TTN: variants seen among roughly 807,000 people sequenced by gnomAD.
The protein encoded by TTN is titin, also known as connectin.
A neutral mutation model predicts 3,223.0 loss-of-function variants in TTN; 1,525 were observed. That is an observed-to-expected ratio of 0.47 (90% confidence interval 0.45 to 0.49). The LOEUF (loss-of-function observed/expected upper bound fraction) is 0.49. Ranked by LOEUF, TTN falls within the 20% of genes least tolerant of loss-of-function variation. The pLI is 0.00. For synonymous variants in TTN, 14,094 were observed against 15,161.0 expected, an observed-to-expected ratio of 0.93 and a Z score of 5.17; for missense variants, 40,786 against 43,424.0, an observed-to-expected ratio of 0.94 and a Z score of 5.40.
rs773021609 is a variant in TTN, at chr2:178,537,690, A to T, written c.99517T>A (p.Cys33173Ser). 9.3e-6 allele frequency: 15 copies of T among 1,613,696 alleles called. No homozygotes were observed. The highest frequency in any genetic ancestry group is 8.3e-5 in the Admixed American group (5 of 59,964). ...EEQEDEGVYT[C>S]IATNEVGEVE... is the part of the protein sequence containing the mutation. ...TCTCCAACCTCATTGGTGGCTATGCAGGTATAAACACCTTCATCTTCCTGT... is the reference window on the plus strand; with the variant it reads ...TCTCCAACCTCATTGGTGGCTATGCTGGTATAAACACCTTCATCTTCCTGT... Residue 33173 changes from cysteine to serine, a missense_variant, in exon 355 of 363, where the codon TGC (cysteine) becomes AGC (serine). Physicochemically the swap from Cys to Ser is moderately radical, Grantham distance 112. Coordinates refer to ENST00000589042, the MANE Select transcript of TTN (RefSeq NM_001267550.2).
At chr2:178,695,320 G>C (rs1259824516) in intron 115 of TTN, 28 bp downstream of exon 115, 1 of 1,581,264 alleles carries the variant, frequency 6.3e-7, no homozygotes, top group Non-Finnish European at 8.7e-7. Context: ...TGATGCTCTA[G>C]TCTATTTAAA....
At chr2:178,610,810 C>T (rs575366743) in intron 270 of TTN, among the ~76,000 whole-genome samples, 183 bp downstream of exon 270, 1 of 152,032 alleles carries the variant, frequency 6.6e-6, no homozygotes, top group Non-Finnish European at 1.5e-5. Flanking sequence ...GTCTAATAAG[C>T]GTTTAGCGAT....
At chr2:178,774,547 T>A in intron 29 of TTN, 74 bp from the exon 30 acceptor site, 1 of 1,423,636 alleles carries the variant, frequency 7.0e-7, no homozygotes, top group East Asian at 2.4e-5. Flanking sequence ...AGAGATGATG[T>A]CTTGTATGTC....
chr2:178,689,027 T>TTTAAA, intron 125 of TTN, 26 bp downstream of exon 125: 1 of 1,131,070 alleles, frequency 8.8e-7, no homozygotes, highest in East Asian at 2.6e-5. Context: ...TTTTTTTTTT[T>TTTAAA]GTCAGAGGAT....
At chr2:178,695,267 G>A (rs2073432850) in intron 115 of TTN, 81 bp downstream of exon 115, 3 of 1,101,770 alleles carry the variant, frequency 2.7e-6, no homozygotes, top group Admixed American at 3.8e-5. Flanking sequence ...GGATTGAACT[G>A]CTGATTTATA....
rs2366753 is a variant in TTN at position 178,702,907 on chromosome 2, T to C, written c.30224-244A>G. ...AAAGTGTAAAGAAATTATTGTGAGT[T>C]CTTAAAATATTTATATAAAGAACAT... is the stretch of plus-strand genomic sequence containing the variant. On this transcript the variant is annotated intron_variant, in intron 106 of 362. Coordinates refer to ENST00000589042, the MANE Select transcript of TTN (RefSeq NM_001267550.2). 0.11 allele frequency among the ~76,000 whole-genome samples: 16,880 copies of C among 152,156 alleles called. 1,827 individuals carry two copies. The highest frequency in any genetic ancestry group is 0.26 in the African/African-American group (10,782 of 41,456).
Position 178,780,061 on chromosome 2 carries a change from G to C in TTN, c.3668C>G (p.Ala1223Gly). 1 of 1,613,562 alleles carries C rather than the reference G, an allele frequency of 6.2e-7. No homozygotes were observed. Among genetic ancestry groups the C allele is most frequent in the Non-Finnish European group, 8.5e-7 (1 of 1,179,846 alleles). ...TTTGGCCATTTTCTTCCTAATTAAG[G>C]CTTGTTCTTTTTCATACTCTTTTTC... is the stretch of plus-strand genomic sequence containing the variant. ...EYEKEYEKEQALIRKKMAKDT... is the reference protein window; with the variant it reads ...EYEKEYEKEQGLIRKKMAKDT... The change falls in exon 22 of 363, where the codon GCC becomes GGC. Residue 1223 changes from alanine (A) to glycine (G), a missense_variant. By Grantham distance (60) the Ala-to-Gly change is moderately conservative. Transcript: ENST00000589042.
chr2:178,569,598 G>A lies in TTN; in HGVS notation c.76534C>T (p.Leu25512Phe), dbSNP rs746285722. Residue 25512 changes from leucine (L) to phenylalanine (F), a missense_variant, in exon 326 of 363, where the codon CTT becomes TTT. Transcript: ENST00000589042. ...EEKLEAPDID[L>F]DLELRKIINI... ...ATGATTTTCCTTAGTTCTAGGTCAA[G>A]ATCAATGTCTGGTGCTTCTAATTTT... 6.2e-7 allele frequency: 1 copy of A among 1,612,600 alleles called. No homozygotes were observed. The highest frequency in any genetic ancestry group is 8.5e-7 in the Non-Finnish European group (1 of 1,179,296).
chr2:178,615,381 T>G lies in TTN; in HGVS notation c.48564A>C (p.Lys16188Asn). 6.2e-7 allele frequency: 1 copy of G among 1,612,610 alleles called. No homozygotes were observed. The highest frequency in any genetic ancestry group is 8.5e-7 in the Non-Finnish European group (1 of 1,179,062). ...PPKNDGGSRI[K>N]GYIVERCPRG... is the part of the protein sequence containing the mutation. Reference sequence around the variant, plus strand: ...GTGGACATCTTTCAACTATATATCCTTTGATGCGTGAACCACCATCATTTT... The same window carrying G: ...GTGGACATCTTTCAACTATATATCCGTTGATGCGTGAACCACCATCATTTT... The change falls in exon 259 of 363, where the codon AAA becomes AAC. Residue 16188 changes from lysine (K) to asparagine (N), a missense_variant. Coordinates refer to ENST00000589042, the MANE Select transcript of TTN (RefSeq NM_001267550.2).
intron 240 of TTN, among the ~76,000 whole-genome samples, chr2:178,625,829 A>G (rs1210658853): frequency 6.6e-6 from 1 of 152,004 alleles, no homozygotes; most frequent in Admixed American, 6.6e-5. Flanking sequence ...AAAATGTGGC[A>G]CATATACACC....
At position 178,574,139 on chromosome 2, in the gene TTN, C is replaced by A; in HGVS notation, c.71993G>T (p.Arg23998Leu). Residue 23998 changes from arginine to leucine, a missense_variant, in exon 326 of 363, where the codon CGT (arginine) becomes CTT (leucine). Physicochemically the swap from Arg to Leu is moderately radical, Grantham distance 102 (BLOSUM62 -2). Transcript: ENST00000589042. ...ACCTGCAGCATTTTTGGCGATCACA[C>A]GGAATTCATATGCAGCATCTTCTGT... is the stretch of plus-strand genomic sequence containing the variant. ...GLTEDAAYEFRVIAKNAAGAI... is the reference protein window; with the variant it reads ...GLTEDAAYEFLVIAKNAAGAI... 6.2e-7 allele frequency: 1 copy of A among 1,613,504 alleles called. No individual in the cohort carries two copies. Among genetic ancestry groups the A allele is most frequent in the Non-Finnish European group, 8.5e-7 (1 of 1,179,626 alleles).
Position 178,723,326 on chromosome 2 carries a change from TAGTA to T in TTN, c.21683-6_21683-3del. The T allele has an allele frequency of 6.2e-7, 1 of 1,610,866 alleles. No homozygotes were observed. On this transcript the variant is annotated splice_polypyrimidine_tract_variant and splice_region_variant and intron_variant, in intron 74 of 362. Transcript: ENST00000589042. Reference sequence around the variant, plus strand: ...ATCTCTTCAAAAATGCAGCTGGTTCTAGTAAGTGACAAAGCACAGCAGTTAAACA... The same window carrying T: ...ATCTCTTCAAAAATGCAGCTGGTTCTAGTGACAAAGCACAGCAGTTAAACA...
chr2:178,534,586 C>T lies in TTN; in HGVS notation c.102029G>A (p.Ser34010Asn). Residue 34010 changes from serine (S) to asparagine (N), a missense_variant, in exon 358 of 363, where the codon AGT becomes AAT. Ser to Asn is a conservative substitution (Grantham distance 46, BLOSUM62 1). Coordinates refer to ENST00000589042, the MANE Select transcript of TTN (RefSeq NM_001267550.2). ...TTCAGCCAGGAATGGGTTGATACCA[C>T]TCAATAGCACATATACCAGTGTTCC... ...SLGTLVYVLLSGINPFLAETN... is the reference protein window; with the variant it reads ...SLGTLVYVLLNGINPFLAETN... 4 of 1,613,908 alleles carry T rather than the reference C, an allele frequency of 2.5e-6. No individual in the cohort carries two copies. Among genetic ancestry groups the T allele is most frequent in the Non-Finnish European group, 3.4e-6 (4 of 1,179,806 alleles).
Position 178,530,695 on chromosome 2 carries a change from A to G in TTN, c.105920T>C (p.Val35307Ala), listed in dbSNP as rs780629996. ...TTTTGCCCTTAATACACTGCTTTCA[A>G]CCACACAGGTCAGTTTTGCAATCTC... ...SKEIAKLTCV[V>A]ESSVLRAKEV... Residue 35307 changes from valine to alanine, a missense_variant, in exon 358 of 363, where the codon GTT (valine) becomes GCT (alanine). Val to Ala is a moderately conservative substitution (Grantham distance 64). Coordinates refer to ENST00000589042, the MANE Select transcript of TTN (RefSeq NM_001267550.2). The G allele has an allele frequency of 5.2e-5, 84 of 1,613,798 alleles. No homozygotes were observed. In the Admixed American group the frequency reaches 9.3e-4, roughly 18 times the overall value.
chr2:178,803,551 AAAGT>A (rs1561535363), intron 2 of TTN, among the ~76,000 whole-genome samples: 1 of 152,128 alleles, frequency 6.6e-6, no homozygotes, highest in East Asian at 1.9e-4. Flanking sequence ...AATGTAAAAG[AAAGT>A]ATTATCCAGT....
At chr2:178,599,975 A>G (rs2052859177) in intron 288 of TTN, 125 bp from the exon 289 acceptor site, 1 of 873,312 alleles carries the variant, frequency 1.1e-6, no homozygotes, top group Admixed American at 3.2e-5. Flanking sequence ...AGCCCAATAT[A>G]AAGAATGGTT....
In TTN at chr2:178,714,876, G is replaced by C. The variant is rs1264852280; in HGVS notation, c.26200+110C>G. On this transcript the variant is annotated intron_variant, in intron 90 of 362. Coordinates refer to ENST00000589042, the MANE Select transcript of TTN (RefSeq NM_001267550.2). ...AAAAGGACTTGGAGAGGAAACAAAG[G>C]GAAAGTGGAATAGGCTGCTAGTGAT... 3 of 1,393,544 alleles carry C rather than the reference G, an allele frequency of 2.2e-6. No homozygotes were observed. In the East Asian group the frequency reaches 6.9e-5, roughly 32 times the overall value. 86.3% of individuals were successfully genotyped at this position (1,393,544 alleles called of 1,614,324 possible).
chr2:178,776,839 T>A lies in TTN; in HGVS notation c.5025A>T (p.Pro1675=), dbSNP rs971913073. ...ATCGCAAATGGAGGGGCTCCAGTTC[T>A]GGGGCTGCAATCTCCTTTGCTCTAT... ...GTYRAKEIAA[P]ELEPLHLRYG... The change falls in exon 28 of 363, where the codon CCA becomes CCT. Residue 1675 remains proline (P), a synonymous_variant. Coordinates refer to ENST00000589042, the MANE Select transcript of TTN (RefSeq NM_001267550.2). 9 of 1,614,134 alleles carry A rather than the reference T, an allele frequency of 5.6e-6. No individual in the cohort carries two copies. In the East Asian group the frequency reaches 2.0e-4, roughly 36 times the overall value.
chr2:178,664,535 G>A lies in TTN; in HGVS notation c.36205C>T (p.Pro12069Ser). 6.2e-7 allele frequency: 1 copy of A among 1,610,326 alleles called. No homozygotes were observed. The part of the protein sequence containing the change: ...RKPEVLPDEV[P>S]EALREVVPEK... The stretch of plus-strand genomic sequence containing the variant: ...GGGACAACTTCTCTGAGAGCCTCCG[G>A]CACTTTGAAGATATTAATAATTTTA... The change falls in exon 168 of 363, where the codon CCG becomes TCG. Residue 12069 changes from proline to serine, a missense_variant and splice_region_variant. Physicochemically the swap from Pro to Ser is moderately conservative, Grantham distance 74 (BLOSUM62 -1). Transcript: ENST00000589042.
Sources: gnomAD v4.1 joint callset for allele counts (sites outside exome capture counted in the v4.1 genomes callset) on GRCh38, gnomAD v4.1.1 for gene constraint, MANE v1.5 for transcripts, NCBI Gene and HGNC (gene_info 2026-07-23, HGNC 2026-07-21) for gene names.